Variants in NETO1 observed in about 807,000 individuals in gnomAD.
The protein encoded by NETO1 is neuropilin and tolloid-like protein 1.
NETO1 carries 26 observed loss-of-function variants against 61.3 expected under a neutral mutation model. The observed-to-expected ratio is 0.42, with a 90% CI of 0.31 to 0.59. The LOEUF is 0.59. Ranked by LOEUF, NETO1 falls within the 20% of genes least tolerant of loss-of-function variation. The probability of loss-of-function intolerance (pLI) is 0.12; values close to 1 mark genes in which losing one functional copy is unlikely to be tolerated. For missense variants in NETO1, 531 were observed against 662.8 expected, an observed-to-expected ratio of 0.80 and a Z score of 2.18; for synonymous variants, 225 against 225.8, an observed-to-expected ratio of 1.00 and a Z score of 0.03.
intron 7 of NETO1, among the ~76,000 whole-genome samples, chr18:72,757,244 GTTTA>G (rs1028237915): frequency 2.0e-4 from 30 of 152,116 alleles, no homozygotes; most frequent in African/African-American, 6.7e-4. Flanking sequence ...GTTATAATGA[GTTTA>G]TTTTTCACTT....
At chr18:72,817,422 A>C (rs901176009) in intron 4 of NETO1, among the ~76,000 whole-genome samples, 2 of 152,252 alleles carry the variant, frequency 1.3e-5, no homozygotes, top group Non-Finnish European at 2.9e-5. Context: ...GGCTGTTGCC[A>C]AATGGAGAAG....
Position 72,867,475 on chromosome 18 carries a change from C to G in NETO1, c.-184G>C, listed in dbSNP as rs1036510570. The G allele has an allele frequency of 2.5e-6, 1 of 407,060 alleles. No individual in the cohort carries two copies. The highest frequency in any genetic ancestry group is 4.4e-6 in the Non-Finnish European group (1 of 229,666). 25.2% of individuals were successfully genotyped at this position (407,060 alleles called of 1,614,324 possible). On this transcript the variant is annotated 5_prime_UTR_variant, in exon 1 of 11. Coordinates refer to ENST00000327305, the MANE Select transcript of NETO1 (RefSeq NM_138966.5). ...CTCCGAGCCCACGCTGCAGCCAGAT[C>G]CGGATGAGTCCGTCCTCCGCCCCGG...
chr18:72,757,387 G>A (rs567218390), intron 7 of NETO1, among the ~76,000 whole-genome samples: 15 of 113,252 alleles, frequency 1.3e-4, no homozygotes, highest in African/African-American at 2.1e-4. Context: ...TTAATACTCC[G>A]AGAGAAATCC....
At chr18:72,762,277 C>T (rs1203381355) in intron 7 of NETO1, among the ~76,000 whole-genome samples, 1 of 152,008 alleles carries the variant, frequency 6.6e-6, no homozygotes, top group African/African-American at 2.4e-5. Flanking sequence ...ACTCCTGCCT[C>T]AGCCTCCAGA....
chr18:72,801,671 A>C (rs1188992217), intron 4 of NETO1, among the ~76,000 whole-genome samples: 1 of 152,190 alleles, frequency 6.6e-6, no homozygotes, highest in African/African-American at 2.4e-5. Context: ...ATGTTTACTG[A>C]GGTTACACAG....
chr18:72,791,860 G>T (rs552095970), intron 6 of NETO1, among the ~76,000 whole-genome samples: 1 of 152,146 alleles, frequency 6.6e-6, no homozygotes, highest in Non-Finnish European at 1.5e-5. Flanking sequence ...TAGCTCTCTT[G>T]TAATACAGGT....
At position 72,794,104 on chromosome 18, in the gene NETO1, T is replaced by C; in HGVS notation, c.639+13A>G. 6.2e-7 allele frequency: 1 copy of C among 1,614,136 alleles called. No homozygotes were observed. Among genetic ancestry groups the C allele is most frequent in the Non-Finnish European group, 8.5e-7 (1 of 1,180,006 alleles). The stretch of plus-strand genomic sequence containing the variant: ...CGTCAGCTGTCAAGTGTGGGTTTCA[T>C]CTTAAGACTGACCTTGGACCGTGGA... On this transcript the variant is annotated intron_variant, in intron 6 of 10. Coordinates refer to ENST00000327305, the MANE Select transcript of NETO1 (RefSeq NM_138966.5).
chr18:72,823,337 G>T (rs542494157), intron 4 of NETO1, among the ~76,000 whole-genome samples: 1 of 152,288 alleles, frequency 6.6e-6, no homozygotes, highest in East Asian at 1.9e-4. Context: ...GTGGTAGGTA[G>T]GTAGTAGGTA....
At chr18:72,838,545 C>T (rs1435063961) in intron 4 of NETO1, among the ~76,000 whole-genome samples, 1 of 152,192 alleles carries the variant, frequency 6.6e-6, no homozygotes, top group East Asian at 1.9e-4. Flanking sequence ...CACACTTCTA[C>T]TGTCATCCCA....
intron 6 of NETO1, among the ~76,000 whole-genome samples, chr18:72,793,811 A>C (rs2072220121): frequency 6.6e-6 from 1 of 152,226 alleles, no homozygotes; most frequent in Non-Finnish European, 1.5e-5. Context: ...AAGTGTAGTT[A>C]CACTAAGAGC....
chr18:72,858,904 T>C lies in NETO1; in HGVS notation c.391A>G (p.Arg131Gly). The stretch of plus-strand genomic sequence containing the variant: ...GCAAAAAATTTAATCCATAGAAATC[T>C]TCCACTGGATTTTATGACAGGTGGA... The part of the protein sequence containing the change: ...QNPPVIKSSG[R>G]FLWIKFFADG... The change falls in exon 4 of 11, where the codon AGA becomes GGA. Residue 131 changes from arginine to glycine, a missense_variant. By Grantham distance (125) the Arg-to-Gly change is moderately radical. Transcript: ENST00000327305. The C allele has an allele frequency of 6.2e-7, 1 of 1,613,928 alleles. No individual in the cohort carries two copies. The highest frequency in any genetic ancestry group is 8.5e-7 in the Non-Finnish European group (1 of 1,179,878).
intron 1 of NETO1, chr18:72,865,485 C>T (rs574737251): frequency 1.4e-5 from 20 of 1,459,552 alleles, no homozygotes; most frequent in South Asian, 2.4e-5. Flanking sequence ...AAGGCAAATA[C>T]ATCATTCACT....
intron 4 of NETO1, among the ~76,000 whole-genome samples, chr18:72,826,088 A>C (rs1297518938): frequency 1.3e-5 from 2 of 152,148 alleles, no homozygotes; most frequent in African/African-American, 4.8e-5. Flanking sequence ...CAATAAGTAC[A>C]TTTAGAGAAA....
intron 7 of NETO1, among the ~76,000 whole-genome samples, chr18:72,773,817 C>T (rs562282293): frequency 2.0e-5 from 3 of 152,114 alleles, no homozygotes; most frequent in South Asian, 2.1e-4. Context: ...TTCCTAGCAG[C>T]GTGAGAACAA....
intron 4 of NETO1, among the ~76,000 whole-genome samples, chr18:72,843,569 C>T (rs1187363085): frequency 1.3e-5 from 2 of 152,144 alleles, no homozygotes; most frequent in African/African-American, 4.8e-5. Flanking sequence ...ATGATCTGGT[C>T]ATTTCATATG....
In NETO1 at chr18:72,744,268, A is replaced by T. The variant is rs1009941024; in HGVS notation, c.*3911T>A. 3 of 152,218 alleles carry T rather than the reference A, an allele frequency of 2.0e-5. No homozygotes were observed. Among genetic ancestry groups the T allele is most frequent in the African/African-American group, 7.2e-5 (3 of 41,454 alleles). The allele number at this position is 152,218 out of a possible 1,614,324, so 9.4% of individuals were successfully genotyped here. ...GATACAATTCAGTTAAATTTGTGGT[A>T]CAATTCAAACAAGTTTATTAATAAA... is the stretch of plus-strand genomic sequence containing the variant. On this transcript the variant is annotated 3_prime_UTR_variant, in exon 11 of 11. Coordinates refer to ENST00000327305, the MANE Select transcript of NETO1 (RefSeq NM_138966.5).
intron 4 of NETO1, among the ~76,000 whole-genome samples, chr18:72,815,489 A>G (rs1343113485): frequency 6.6e-6 from 1 of 152,168 alleles, no homozygotes; most frequent in Non-Finnish European, 1.5e-5. Flanking sequence ...AAGACAGGCA[A>G]AAGTCCTGGT....
At chr18:72,807,906 C>G (rs1438642800) in intron 4 of NETO1, among the ~76,000 whole-genome samples, 1 of 152,188 alleles carries the variant, frequency 6.6e-6, no homozygotes, top group Non-Finnish European at 1.5e-5. Flanking sequence ...TTAGCAATAT[C>G]CCTGCCCCTT....
intron 4 of NETO1, among the ~76,000 whole-genome samples, chr18:72,804,014 T>C (rs1018362077): frequency 3.9e-5 from 6 of 152,104 alleles, no homozygotes; most frequent in African/African-American, 9.7e-5. Context: ...TTCTTCTAAT[T>C]AATATTTTAA....
Sources: gnomAD v4.1 joint callset for allele counts (sites outside exome capture counted in the v4.1 genomes callset) on GRCh38, gnomAD v4.1.1 for gene constraint, MANE v1.5 for transcripts, NCBI Gene and HGNC (gene_info 2026-07-23, HGNC 2026-07-21) for gene names.